Variants in SCAMP1 observed in about 807,000 individuals in gnomAD.
SCAMP1 encodes secretory carrier-associated membrane protein 1.
Under a neutral mutation model 41.8 loss-of-function variants are expected in SCAMP1, and 15 were observed. That is an observed-to-expected ratio of 0.36 (90% CI 0.24 to 0.55). SCAMP1 has a LOEUF of 0.55. Among genes scored for constraint, SCAMP1 ranks in the 20% least tolerant of loss-of-function variants. SCAMP1 has a pLI of 0.86. For synonymous variants in SCAMP1, 135 were observed against 136.8 expected (o/e 0.99, Z 0.09); for missense variants, 341 against 412.6 (o/e 0.83, Z 1.50).
intron 8 of SCAMP1, among the ~76,000 whole-genome samples, chr5:78,474,337 C>G (rs904213925): frequency 2.6e-5 from 4 of 152,154 alleles, no homozygotes; most frequent in Non-Finnish European, 5.9e-5. Context: ...AAGTCCATGT[C>G]TTTAGCCCAT....
chr5:78,379,894 G>A (rs1751155756), intron 1 of SCAMP1, among the ~76,000 whole-genome samples: 1 of 152,006 alleles, frequency 6.6e-6, no homozygotes, highest in Admixed American at 6.6e-5. Flanking sequence ...AGTTAATTTT[G>A]TTTTGTAATT....
At chr5:78,408,375 C>T (rs990833946) in intron 2 of SCAMP1, among the ~76,000 whole-genome samples, 4 of 152,104 alleles carry the variant, frequency 2.6e-5, no homozygotes, top group Admixed American at 1.3e-4. Context: ...TCCCATGACA[C>T]GTGGGAATTA....
intron 2 of SCAMP1, among the ~76,000 whole-genome samples, chr5:78,391,612 G>A (rs938945786): frequency 6.6e-6 from 1 of 152,164 alleles, no homozygotes; most frequent in Non-Finnish European, 1.5e-5. Context: ...GGTGGCGGCC[G>A]GGCAGAGGCT....
At chr5:78,411,109 T>C (rs1209615068) in intron 2 of SCAMP1, among the ~76,000 whole-genome samples, 3 of 152,234 alleles carry the variant, frequency 2.0e-5, no homozygotes, top group Non-Finnish European at 2.9e-5. Flanking sequence ...CTGCTGATAG[T>C]TTGTTTTGCT....
chr5:78,450,690 T>C (rs1753203906), intron 7 of SCAMP1, among the ~76,000 whole-genome samples: 1 of 152,216 alleles, frequency 6.6e-6, no homozygotes, highest in Non-Finnish European at 1.5e-5. Context: ...TCTGTTCCTC[T>C]CTTCTTTCTT....
chr5:78,394,757 A>G (rs1298871197), intron 2 of SCAMP1, among the ~76,000 whole-genome samples: 1 of 152,060 alleles, frequency 6.6e-6, no homozygotes, highest in Non-Finnish European at 1.5e-5. Flanking sequence ...CCCTTCTGGA[A>G]CCTCTTTGTT....
At chr5:78,463,695 G>A (rs1753671137) in intron 8 of SCAMP1, among the ~76,000 whole-genome samples, 1 of 152,182 alleles carries the variant, frequency 6.6e-6, no homozygotes, top group African/African-American at 2.4e-5. Context: ...GACAGAAAAT[G>A]TATTACAGCT....
At chr5:78,466,370 C>G (rs1056626532) in intron 8 of SCAMP1, among the ~76,000 whole-genome samples, 5 of 152,086 alleles carry the variant, frequency 3.3e-5, no homozygotes, top group East Asian at 1.9e-4. Context: ...TTTTGGAGGT[C>G]TTTTTAAGTA....
chr5:78,410,671 A>G (rs934629070), intron 2 of SCAMP1, among the ~76,000 whole-genome samples: 6 of 152,136 alleles, frequency 3.9e-5, no homozygotes, highest in Middle Eastern at 3.2e-3. Context: ...CAGTAATGGG[A>G]TTGCTGGGTC....
intron 8 of SCAMP1, among the ~76,000 whole-genome samples, chr5:78,462,278 G>A (rs1401452249): frequency 6.6e-6 from 1 of 151,668 alleles, no homozygotes; most frequent in Non-Finnish European, 1.5e-5. Flanking sequence ...CTTGAACGTT[G>A]TTGGTGTTTA....
intron 7 of SCAMP1, among the ~76,000 whole-genome samples, chr5:78,457,091 T>A (rs1181200890): frequency 2.2e-5 from 3 of 133,430 alleles, no homozygotes; most frequent in Non-Finnish European, 4.7e-5. Context: ...TTCTTCTAAA[T>A]TTTTTTCAAA....
chr5:78,413,360 T>C (rs1313289141), intron 2 of SCAMP1, among the ~76,000 whole-genome samples: 1 of 152,188 alleles, frequency 6.6e-6, no homozygotes, highest in Admixed American at 6.5e-5. Flanking sequence ...TAAGCCTTGA[T>C]ATCATAGGTC....
intron 1 of SCAMP1, among the ~76,000 whole-genome samples, chr5:78,382,776 GGTGT>G (rs61523492): frequency 0.037 from 4,784 of 130,270 alleles, 146 homozygotes; most frequent in African/African-American, 0.096. Context: ...AGTATTCCAT[GGTGT>G]GTGTGTGTGT....
chr5:78,473,618 C>T (rs1317295502), intron 8 of SCAMP1, among the ~76,000 whole-genome samples: 1 of 152,082 alleles, frequency 6.6e-6, no homozygotes, highest in Non-Finnish European at 1.5e-5. Context: ...CAACTCTTCT[C>T]CCCCTCCCAC....
At chr5:78,389,051 T>A in intron 2 of SCAMP1, 137 bp downstream of exon 2, 1 of 482,410 alleles carries the variant, frequency 2.1e-6, no homozygotes, top group Non-Finnish European at 3.7e-6. Context: ...TTCAGCAAAC[T>A]TGGATTTTTT....
intron 8 of SCAMP1, among the ~76,000 whole-genome samples, chr5:78,475,279 T>C (rs1753977889): frequency 6.6e-6 from 1 of 152,110 alleles, no homozygotes; most frequent in Non-Finnish European, 1.5e-5. Flanking sequence ...TTGGTTTAAA[T>C]TAGCATAATT....
chr5:78,463,672 G>T (rs1423929842), intron 8 of SCAMP1, among the ~76,000 whole-genome samples: 1 of 152,128 alleles, frequency 6.6e-6, no homozygotes, highest in Non-Finnish European at 1.5e-5. Flanking sequence ...TATAAAATGG[G>T]CAAATATATA....
chr5:78,473,499 G>A (rs1047842956), intron 8 of SCAMP1, among the ~76,000 whole-genome samples: 1 of 152,010 alleles, frequency 6.6e-6, no homozygotes, highest in Admixed American at 6.6e-5. Context: ...TAGATTCAGG[G>A]GATACATGTG....
intron 7 of SCAMP1, among the ~76,000 whole-genome samples, chr5:78,451,116 A>G (rs1753214567): frequency 6.6e-6 from 1 of 152,152 alleles, no homozygotes; most frequent in Admixed American, 6.5e-5. Flanking sequence ...TAGCACAGAC[A>G]TAGGGAAAAT....
Sources: gnomAD v4.1 joint callset for allele counts (sites outside exome capture counted in the v4.1 genomes callset) on GRCh38, gnomAD v4.1.1 for gene constraint, MANE v1.5 for transcripts, NCBI Gene and HGNC (gene_info 2026-07-23, HGNC 2026-07-21) for gene names.